The following SPIRE1 variants were observed in gnomAD, a reference collection of about 807,000 sequenced individuals.
SPIRE1 encodes spire type actin nucleation factor 1.
A neutral mutation model predicts 94.1 loss-of-function variants in SPIRE1; 40 were observed. That is an observed-to-expected ratio of 0.43 (90% CI 0.33 to 0.55). SPIRE1 has a LOEUF of 0.55. SPIRE1 is among the 20% of genes least tolerant of loss of function. The pLI is 0.06. For missense variants in SPIRE1, 838 were observed against 975.2 expected, an observed-to-expected ratio of 0.86 and a Z score of 1.87; for synonymous variants, 376 against 371.7, an observed-to-expected ratio of 1.01 and a Z score of -0.13.
chr18:12,593,963 A>AAT (rs1555629219), intron 2 of SPIRE1, among the ~76,000 whole-genome samples: 1 of 151,890 alleles, frequency 6.6e-6, no homozygotes, highest in African/African-American at 2.4e-5. Context: ...GAAAAAAAAA[A>AAT]AATAAGAAGA....
At chr18:12,524,628 G>A (rs1337559317) in intron 4 of SPIRE1, among the ~76,000 whole-genome samples, 2 of 152,082 alleles carry the variant, frequency 1.3e-5, no homozygotes, top group Non-Finnish European at 2.9e-5. Flanking sequence ...AAAATGCCGG[G>A]ATTATAAGGC....
At chr18:12,520,135 TA>T (rs2034316940) in intron 4 of SPIRE1, among the ~76,000 whole-genome samples, 1 of 152,170 alleles carries the variant, frequency 6.6e-6, no homozygotes, top group Non-Finnish European at 1.5e-5. Context: ...AAATGATCTC[TA>T]AGACATATAA....
chr18:12,661,551 C>T (rs144282853), upstream of SPIRE1, among the ~76,000 whole-genome samples: 175 of 152,176 alleles, frequency 1.1e-3, 1 homozygote, highest in East Asian at 7.2e-3. Flanking sequence ...GCAGGCAGAT[C>T]GCTTGAGGCC....
intron 2 of SPIRE1, among the ~76,000 whole-genome samples, chr18:12,606,585 C>CG (rs1286978320): frequency 2.7e-5 from 4 of 149,820 alleles, no homozygotes; most frequent in African/African-American, 9.9e-5. Flanking sequence ...GGCTGGAATG[C>CG]GGTAGCACGA....
intron 2 of SPIRE1, among the ~76,000 whole-genome samples, chr18:12,633,845 AC>A (rs997785282): frequency 6.6e-6 from 1 of 152,160 alleles, no homozygotes; most frequent in Non-Finnish European, 1.5e-5. Flanking sequence ...AAAGAACACC[AC>A]ACATATATGC....
chr18:12,487,308 T>G (rs2033072449), intron 8 of SPIRE1, among the ~76,000 whole-genome samples: 1 of 152,084 alleles, frequency 6.6e-6, no homozygotes, highest in Non-Finnish European at 1.5e-5. Context: ...TAAAGTTTGG[T>G]ACTATCCATG....
intron 2 of SPIRE1, among the ~76,000 whole-genome samples, chr18:12,568,976 T>C (rs2035884977): frequency 6.6e-6 from 1 of 152,180 alleles, no homozygotes; most frequent in Admixed American, 6.5e-5. Context: ...ACATCCCAAA[T>C]CTACTCACCT....
intron 7 of SPIRE1, among the ~76,000 whole-genome samples, chr18:12,494,787 C>T (rs1364390935): frequency 1.5e-5 from 2 of 130,848 alleles, no homozygotes; most frequent in East Asian, 2.2e-4. Context: ...TGCAGTGAGC[C>T]GAGATCGCGC....
chr18:12,630,713 G>T (rs2037751249), intron 2 of SPIRE1, among the ~76,000 whole-genome samples: 1 of 152,150 alleles, frequency 6.6e-6, no homozygotes, highest in African/African-American at 2.4e-5. Context: ...CTGAGGCAGA[G>T]AAGCGAGAAG....
intron 1 of SPIRE1, among the ~76,000 whole-genome samples, chr18:12,654,979 G>C (rs1466979203): frequency 6.6e-6 from 1 of 150,870 alleles, no homozygotes; most frequent in East Asian, 1.9e-4. Flanking sequence ...AGTGAGCCAA[G>C]ACTGTTCTAC....
intron 6 of SPIRE1, among the ~76,000 whole-genome samples, chr18:12,503,308 T>C (rs1763865558): frequency 1.3e-5 from 2 of 152,340 alleles, no homozygotes; most frequent in African/African-American, 2.4e-5. Flanking sequence ...TTGCTAAATC[T>C]GTTAACCATT....
rs1295869393 is a variant in SPIRE1 at position 12,456,772 on chromosome 18, T to TA, written c.1639-2290dup. Among the ~76,000 whole-genome samples the TA allele has an allele frequency of 2.6e-5, 4 of 152,184 alleles. No individual in the cohort carries two copies. The East Asian group carries it at 5.8e-4, about 22-fold the overall frequency. On this transcript the variant is annotated intron_variant, in intron 12 of 16. Transcript: ENST00000409402. ...TTCAGTCTTGAGTCACAAATGGGCT[T>TA]AGTAAAGCATATTTTCAACTCACTG...
At chr18:12,624,916 A>G in intron 2 of SPIRE1, among the ~76,000 whole-genome samples, 1 of 152,228 alleles carries the variant, frequency 6.6e-6, no homozygotes, top group Middle Eastern at 3.4e-3. Flanking sequence ...TATAACTATT[A>G]TTTGTCTTCA....
chr18:12,459,835 C>G (rs2031697008), intron 12 of SPIRE1: 1 of 985,720 alleles, frequency 1.0e-6, no homozygotes, highest in Non-Finnish European at 1.2e-6. Flanking sequence ...ATGGCTGCTT[C>G]AAAAGGATGA....
At chr18:12,459,745 A>G in intron 12 of SPIRE1, 1 of 985,838 alleles carries the variant, frequency 1.0e-6, no homozygotes, top group Non-Finnish European at 1.2e-6. Context: ...CCCAGCAGAA[A>G]GAGGCCAACC....
chr18:12,484,960 A>G (rs865920432), intron 9 of SPIRE1, among the ~76,000 whole-genome samples: 1 of 152,148 alleles, frequency 6.6e-6, no homozygotes, highest in South Asian at 2.1e-4. Flanking sequence ...GTTTTAATTT[A>G]TAAAGGGTTG....
chr18:12,654,329 T>A (rs1157541905), intron 1 of SPIRE1, among the ~76,000 whole-genome samples: 2 of 84,026 alleles, frequency 2.4e-5, no homozygotes, highest in African/African-American at 1.0e-4. Context: ...AAAGTGAGAC[T>A]CCACCTCAAA....
At chr18:12,539,853 G>A (rs1191376018) in intron 3 of SPIRE1, among the ~76,000 whole-genome samples, 1 of 151,434 alleles carries the variant, frequency 6.6e-6, no homozygotes, top group African/African-American at 2.4e-5. Context: ...CTTGAACCCG[G>A]GAGGTGGAGG....
chr18:12,581,024 CT>C (rs1373554982), intron 2 of SPIRE1, among the ~76,000 whole-genome samples: 2 of 152,156 alleles, frequency 1.3e-5, no homozygotes, highest in Non-Finnish European at 2.9e-5. Context: ...TTAGGTCTGC[CT>C]TTTCCTAGCA....
Sources: gnomAD v4.1 joint callset for allele counts (sites outside exome capture counted in the v4.1 genomes callset) on GRCh38, gnomAD v4.1.1 for gene constraint, MANE v1.5 for transcripts, NCBI Gene and HGNC (gene_info 2026-07-23, HGNC 2026-07-21) for gene names.